Variants in FRAS1 observed in about 807,000 individuals in gnomAD.
FRAS1 encodes Fraser extracellular matrix complex subunit 1.
FRAS1 carries 290 observed loss-of-function variants against 435.2 expected under a neutral mutation model. The observed-to-expected ratio is 0.67, with a 90% CI of 0.61 to 0.73. The LOEUF (loss-of-function observed/expected upper bound fraction) is 0.73, where lower values mean the gene tolerates loss of function less well. Ranked by LOEUF, FRAS1 falls within the 30% of genes least tolerant of loss-of-function variation. The pLI is 0.00. For missense variants in FRAS1, 4,860 were observed against 5,001.5 expected (o/e 0.97, Z 0.85); for synonymous variants, 1,800 against 1,851.0 (o/e 0.97, Z 0.71).
intron 2 of FRAS1, among the ~76,000 whole-genome samples, chr4:78,148,179 A>G (rs1284787175): frequency 6.6e-6 from 1 of 151,932 alleles, no homozygotes; most frequent in East Asian, 1.9e-4. Context: ...TAATTTTTTC[A>G]TTGGTGAGTA....
chr4:78,152,844 T>C (rs1022185930), intron 2 of FRAS1, among the ~76,000 whole-genome samples: 3 of 152,154 alleles, frequency 2.0e-5, no homozygotes, highest in Admixed American at 2.0e-4. Flanking sequence ...TTGCATATGA[T>C]ATGATTATAA....
chr4:78,125,336 G>T (rs907592764), intron 2 of FRAS1, among the ~76,000 whole-genome samples: 3 of 152,186 alleles, frequency 2.0e-5, no homozygotes, highest in Admixed American at 6.5e-5. Flanking sequence ...TAATTTGATT[G>T]CACTGTGGTC....
At chr4:78,151,550 G>A (rs1295415707) in intron 2 of FRAS1, among the ~76,000 whole-genome samples, 3 of 152,102 alleles carry the variant, frequency 2.0e-5, no homozygotes, top group Non-Finnish European at 4.4e-5. Context: ...CCATCATTTT[G>A]GTAGGGAATT....
At chr4:78,193,907 T>C (rs1280095606) in intron 2 of FRAS1, among the ~76,000 whole-genome samples, 1 of 152,234 alleles carries the variant, frequency 6.6e-6, no homozygotes, top group Non-Finnish European at 1.5e-5. Context: ...CAGTGGCTGG[T>C]ACTGGTTGTT....
intron 2 of FRAS1, among the ~76,000 whole-genome samples, chr4:78,217,022 G>T (rs1421443156): frequency 6.6e-6 from 1 of 152,124 alleles, no homozygotes; most frequent in Admixed American, 6.6e-5. Flanking sequence ...GTGTTTTTAG[G>T]ATGATGTGTT....
Position 78,301,124 on chromosome 4 carries a change from A to G in FRAS1, c.1535-6942A>G, listed in dbSNP as rs577484824. On this transcript the variant is annotated intron_variant, in intron 14 of 73. Coordinates refer to ENST00000512123, the MANE Select transcript of FRAS1 (RefSeq NM_025074.7). ...CTGCCTCCAAAGGGATGCCTACTTG[A>G]ATTACTAAGGTAGGGTTACCAAGCT... 2.0e-5 allele frequency among the ~76,000 whole-genome samples: 3 copies of G among 152,268 alleles called. No homozygotes were observed. The East Asian group carries it at 5.8e-4, about 29-fold the overall frequency.
intron 47 of FRAS1, among the ~76,000 whole-genome samples, chr4:78,456,151 T>C (rs1719192230): frequency 7.0e-6 from 1 of 142,834 alleles, no homozygotes; most frequent in Non-Finnish European, 1.5e-5. Context: ...TTTTTTTTTT[T>C]TTTTTTTTTT....
rs1362989980 is a variant in FRAS1 at position 78,473,544 on chromosome 4, C to T, written c.7629C>T (p.Val2543=). The T allele has an allele frequency of 2.5e-6, 4 of 1,612,160 alleles. No individual in the cohort carries two copies. Among genetic ancestry groups the T allele is most frequent in the Non-Finnish European group, 2.5e-6 (3 of 1,178,968 alleles). ...TGAAAGACAGTAAACCCAATGTGGT[C>T]AGCGACAATGTCTTCCATATCCAGT... is the stretch of plus-strand genomic sequence containing the variant. ...FLVKDSKPNV[V]SDNVFHIQWS... is the part of the protein sequence containing the mutation. Residue 2543 remains valine, a synonymous_variant, in exon 53 of 74, where the codon GTC becomes GTT. Coordinates refer to ENST00000512123, the MANE Select transcript of FRAS1 (RefSeq NM_025074.7).
chr4:78,222,452 G>A (rs527389533), intron 2 of FRAS1, among the ~76,000 whole-genome samples: 13 of 152,274 alleles, frequency 8.5e-5, no homozygotes, highest in East Asian at 3.9e-4. Flanking sequence ...CGACTTCTCC[G>A]TAAATGTTGA....
chr4:78,129,387 G>A (rs558671445), intron 2 of FRAS1, among the ~76,000 whole-genome samples: 2 of 152,174 alleles, frequency 1.3e-5, no homozygotes, highest in Non-Finnish European at 2.9e-5. Flanking sequence ...TGCATTTTGG[G>A]GTAAACAGTT....
chr4:78,540,979 A>G lies in FRAS1; in HGVS notation c.11894A>G (p.Asn3965Ser), dbSNP rs775399762. The G allele has an allele frequency of 4.3e-6, 7 of 1,613,266 alleles. No individual in the cohort carries two copies. In the East Asian group the frequency reaches 1.3e-4, roughly 31 times the overall value. The change falls in exon 74 of 74, where the codon AAC (asparagine) becomes AGC (serine). Residue 3965 changes from asparagine to serine, a missense_variant. Asn to Ser is a conservative substitution (Grantham distance 46). Coordinates refer to ENST00000512123, the MANE Select transcript of FRAS1 (RefSeq NM_025074.7). ...AGGCACCCGGACCGGGTGGAGAAGA[A>G]CGTGAATAGACACTACTGCACTGTG... ...PKRHPDRVEK[N>S]VNRHYCTVRN...
chr4:78,424,325 C>A, intron 34 of FRAS1, 63 bp from the exon 35 acceptor site: 1 of 844,880 alleles, frequency 1.2e-6, no homozygotes, highest in Non-Finnish European at 1.8e-6. Flanking sequence ...TGTTTTGTAC[C>A]TTTCCTATCT....
intron 2 of FRAS1, among the ~76,000 whole-genome samples, chr4:78,085,002 C>T (rs186749977): frequency 6.6e-6 from 1 of 152,070 alleles, no homozygotes; most frequent in African/African-American, 2.4e-5. Flanking sequence ...CAGATACACA[C>T]TGTGCTATTA....
intron 61 of FRAS1, among the ~76,000 whole-genome samples, chr4:78,505,631 C>T (rs1720810590): frequency 6.6e-6 from 1 of 152,082 alleles, no homozygotes; most frequent in Non-Finnish European, 1.5e-5. Context: ...CATTCGTCTA[C>T]CCTTTTTTCA....
intron 15 of FRAS1, among the ~76,000 whole-genome samples, chr4:78,309,451 T>C (rs571537762): frequency 2.4e-4 from 37 of 152,322 alleles, no homozygotes; most frequent in Non-Finnish European, 4.7e-4. Flanking sequence ...CAGTGTTTGG[T>C]GTTTAATCCT....
chr4:78,430,230 T>C (rs1734157988), intron 36 of FRAS1, 62 bp from the exon 37 acceptor site: 1 of 1,606,696 alleles, frequency 6.2e-7, no homozygotes, highest in African/African-American at 1.3e-5. Flanking sequence ...GGTTTTAATA[T>C]ATAGTCTATC....
chr4:78,165,389 A>G lies in FRAS1; in HGVS notation c.109-72121A>G, dbSNP rs111545840. Among the ~76,000 whole-genome samples, 641 of 152,328 alleles carry G rather than the reference A, an allele frequency of 4.2e-3. 2 individuals carry two copies. The highest frequency in any genetic ancestry group is 0.015 in the African/African-American group (604 of 41,574). Reference sequence around the variant, plus strand: ...CCGAGGATCTTGCAAGTGAAACAATATGATTTCGTGGATGGCACATCAAAC... The same window carrying G: ...CCGAGGATCTTGCAAGTGAAACAATGTGATTTCGTGGATGGCACATCAAAC... On this transcript the variant is annotated intron_variant, in intron 2 of 73. Coordinates refer to ENST00000512123, the MANE Select transcript of FRAS1 (RefSeq NM_025074.7).
intron 37 of FRAS1, among the ~76,000 whole-genome samples, chr4:78,430,845 T>TA (rs1297875364): frequency 6.6e-6 from 1 of 152,148 alleles, no homozygotes; most frequent in Non-Finnish European, 1.5e-5. Context: ...CTTCATCCAT[T>TA]AAAAAAAGGA....
chr4:78,166,902 G>A (rs1347372414), intron 2 of FRAS1, among the ~76,000 whole-genome samples: 1 of 152,138 alleles, frequency 6.6e-6, no homozygotes, highest in Non-Finnish European at 1.5e-5. Flanking sequence ...CACACCCAGG[G>A]TGATCCTGGG....
Sources: allele counts gnomAD v4.1 joint callset (sites outside exome capture counted in the v4.1 genomes callset), GRCh38; gene constraint gnomAD v4.1.1; transcripts MANE v1.5; gene names NCBI Gene and HGNC (gene_info 2026-07-23, HGNC 2026-07-21).